The following ROBO1 variants were observed in gnomAD, a reference collection of about 807,000 sequenced individuals.
The protein encoded by ROBO1 is roundabout homolog 1.
Under a neutral mutation model 195.9 loss-of-function variants are expected in ROBO1, and 149 were observed. The ratio of observed to expected loss-of-function variants is 0.76; its 90% CI spans 0.67 to 0.87. The LOEUF is 0.87. Among genes scored for constraint, ROBO1 ranks in the 40% least tolerant of loss-of-function variants. The pLI is 0.00. For synonymous variants in ROBO1, 816 were observed against 733.2 expected (o/e 1.11, Z -1.82); for missense variants, 1,933 against 2,068.3 (o/e 0.93, Z 1.27).
At chr3:78,632,443 C>T (rs372653227) in intron 24 of ROBO1, among the ~76,000 whole-genome samples, 9 of 152,178 alleles carry the variant, frequency 5.9e-5, no homozygotes, top group African/African-American at 1.9e-4. Context: ...TCCACCACTC[C>T]GGTGTCCAGC....
At chr3:79,411,014 C>A (rs1021350405) in intron 2 of ROBO1, among the ~76,000 whole-genome samples, 3 of 152,120 alleles carry the variant, frequency 2.0e-5, no homozygotes, top group African/African-American at 7.2e-5. Context: ...CTTTTCTGAA[C>A]ATTCAGCAAC....
At chr3:79,563,076 TA>T (rs1420821011) in intron 2 of ROBO1, among the ~76,000 whole-genome samples, 5 of 151,758 alleles carry the variant, frequency 3.3e-5, no homozygotes, top group South Asian at 2.1e-4. Context: ...CACATATGGC[TA>T]GGGGTGAAAT....
In ROBO1 at chr3:78,659,670, T is replaced by TATAC; in HGVS notation, c.2442+15_2442+16insGTAT. 1 of 1,475,376 alleles carries TATAC rather than the reference T, an allele frequency of 6.8e-7. No individual in the cohort carries two copies. The highest frequency in any genetic ancestry group is 9.0e-7 in the Non-Finnish European group (1 of 1,108,776). 91.4% of individuals were successfully genotyped at this position (1,475,376 alleles called of 1,614,324 possible). On this transcript the variant is annotated intron_variant, in intron 17 of 30. Transcript: ENST00000464233. ...GCCCATCAGGACATTAATATATATA[T>TATAC]ATATTATACTCATACCTTATACTCT...
At chr3:79,171,272 T>C (rs528961232) in intron 2 of ROBO1, among the ~76,000 whole-genome samples, 27 of 151,490 alleles carry the variant, frequency 1.8e-4, no homozygotes, top group African/African-American at 6.0e-4. Flanking sequence ...ATCATCTATG[T>C]CCTTGATATT....
rs548538901 is a variant in ROBO1, at chr3:79,633,506, T to C, written c.-50-43545A>G. Among the ~76,000 whole-genome samples, 4 of 152,138 alleles carry C rather than the reference T, an allele frequency of 2.6e-5. No individual in the cohort carries two copies. The South Asian group carries it at 6.2e-4, about 24-fold the overall frequency. ...CAGCCTACATATTTGTTCTTATTTC[T>C]GAATTATGAGAATGGAAGAAAAACT... is the stretch of plus-strand genomic sequence containing the variant. On this transcript the variant is annotated intron_variant, in intron 1 of 30. Transcript: ENST00000464233.
intron 3 of ROBO1, among the ~76,000 whole-genome samples, chr3:78,944,339 T>C (rs1443584613): frequency 1.3e-5 from 2 of 152,250 alleles, no homozygotes; most frequent in Non-Finnish European, 2.9e-5. Flanking sequence ...AAAATATAGA[T>C]GATAAAAACA....
chr3:78,717,708 C>G, intron 6 of ROBO1, 55 bp downstream of exon 6: 3 of 1,580,460 alleles, frequency 1.9e-6, no homozygotes, highest in Non-Finnish European at 2.6e-6. Context: ...TATACAGACA[C>G]AAAATGATAA....
intron 1 of ROBO1, among the ~76,000 whole-genome samples, chr3:79,630,464 A>G (rs567648395): frequency 6.6e-6 from 1 of 152,158 alleles, no homozygotes; most frequent in Admixed American, 6.6e-5. Context: ...AAAACCCTTC[A>G]CAAAATAGGC....
At chr3:79,085,548 G>A (rs898790446) in intron 3 of ROBO1, among the ~76,000 whole-genome samples, 3 of 152,152 alleles carry the variant, frequency 2.0e-5, no homozygotes, top group Non-Finnish European at 4.4e-5. Flanking sequence ...GAATCAAAAT[G>A]AGAGAACAGG....
At position 79,329,234 on chromosome 3, in the gene ROBO1, CAG is replaced by C. The variant is rs200419601; in HGVS notation, c.89-203697_89-203696del. 8.5e-5 allele frequency among the ~76,000 whole-genome samples: 13 copies of C among 152,256 alleles called. No homozygotes were observed. The East Asian group carries it at 2.3e-3, about 27-fold the overall frequency. ...CACATGGCAAATCTTGAAAAAAATT[CAG>C]AGAGTTAGCCTTCCTACTCTAAAGC... is the stretch of plus-strand genomic sequence containing the variant. On this transcript the variant is annotated intron_variant, in intron 2 of 30. Transcript: ENST00000464233.
chr3:79,588,037 C>G (rs1337386875), intron 2 of ROBO1, among the ~76,000 whole-genome samples: 1 of 151,646 alleles, frequency 6.6e-6, no homozygotes, highest in Non-Finnish European at 1.5e-5. Flanking sequence ...CTTTTTAAGA[C>G]AGTGTTGCCT....
At chr3:79,220,807 TCTC>T (rs1361155894) in intron 2 of ROBO1, among the ~76,000 whole-genome samples, 2 of 152,098 alleles carry the variant, frequency 1.3e-5, no homozygotes, top group Non-Finnish European at 2.9e-5. Context: ...TTTCAAATGA[TCTC>T]CTCAGGTTTT....
At chr3:79,029,959 C>G (rs2078264765) in intron 3 of ROBO1, among the ~76,000 whole-genome samples, 3 of 152,190 alleles carry the variant, frequency 2.0e-5, no homozygotes, top group African/African-American at 4.8e-5. Context: ...ATGGTATTTT[C>G]TCTCTTCCCA....
intron 1 of ROBO1, among the ~76,000 whole-genome samples, chr3:79,702,990 A>G (rs558758331): frequency 1.3e-5 from 2 of 151,926 alleles, no homozygotes; most frequent in Non-Finnish European, 2.9e-5. Context: ...GATCATGGTG[A>G]CCTACTATTC....
chr3:79,017,352 T>G (rs1308636468), intron 3 of ROBO1, among the ~76,000 whole-genome samples: 1 of 152,074 alleles, frequency 6.6e-6, no homozygotes, highest in Non-Finnish European at 1.5e-5. Flanking sequence ...ACCTTTAAAA[T>G]CGTTTCATAA....
intron 28 of ROBO1, among the ~76,000 whole-genome samples, chr3:78,608,769 A>T (rs1703617376): frequency 6.6e-6 from 1 of 152,166 alleles, no homozygotes; most frequent in African/African-American, 2.4e-5. Flanking sequence ...ATATTATTTC[A>T]GGATCAATGA....
rs929221903 is a variant in ROBO1, at chr3:78,731,893, T to G, written c.658-14010A>C. Among the ~76,000 whole-genome samples, 32 of 152,146 alleles carry G rather than the reference T, an allele frequency of 2.1e-4. 1 individual carries two copies. The highest frequency in any genetic ancestry group is 7.7e-4 in the African/African-American group (32 of 41,456). On this transcript the variant is annotated intron_variant, in intron 5 of 30. Coordinates refer to ENST00000464233, the MANE Select transcript of ROBO1 (RefSeq NM_002941.4). ...ATGCATCAGTGAATCTGTGGTCAAT[T>G]TAATAAATGTGCCAATGTATTTAAG...
At chr3:79,570,354 A>C (rs1943239719) in intron 2 of ROBO1, among the ~76,000 whole-genome samples, 1 of 152,086 alleles carries the variant, frequency 6.6e-6, no homozygotes, top group Non-Finnish European at 1.5e-5. Flanking sequence ...CCAAGAGAGA[A>C]AGTTTCAATT....
chr3:79,709,337 A>G (rs1285226948), intron 1 of ROBO1, among the ~76,000 whole-genome samples: 1 of 152,162 alleles, frequency 6.6e-6, no homozygotes, highest in Non-Finnish European at 1.5e-5. Flanking sequence ...TTAGTCTAAT[A>G]TGTAATTATT....
Sources: allele counts gnomAD v4.1 joint callset (sites outside exome capture counted in the v4.1 genomes callset), GRCh38; gene constraint gnomAD v4.1.1; transcripts MANE v1.5; gene names NCBI Gene and HGNC (gene_info 2026-07-23, HGNC 2026-07-21).